The following SPATA13 variants were observed in gnomAD, a reference collection of about 807,000 sequenced individuals.
The protein encoded by SPATA13 is spermatogenesis associated 13.
A neutral mutation model predicts 104.0 loss-of-function variants in SPATA13; 50 were observed. That is an observed-to-expected ratio of 0.48 (90% CI 0.38 to 0.61). The LOEUF is 0.61. Among genes scored for constraint, SPATA13 ranks in the 20% least tolerant of loss-of-function variants. The pLI is 0.00. For synonymous variants in SPATA13, 606 were observed against 667.5 expected (o/e 0.91, Z 1.42); for missense variants, 1,524 against 1,690.6 (o/e 0.90, Z 1.73).
At chr13:24,260,124 C>T (rs1373245847) in intron 4 of SPATA13, among the ~76,000 whole-genome samples, 2 of 152,208 alleles carry the variant, frequency 1.3e-5, no homozygotes, top group African/African-American at 4.8e-5. Flanking sequence ...ACCACCACAA[C>T]TGCACTCACG....
At chr13:24,148,966 G>A (rs537332681) in intron 3 of SPATA13, among the ~76,000 whole-genome samples, 130 of 152,294 alleles carry the variant, frequency 8.5e-4, no homozygotes, top group Middle Eastern at 3.4e-3. Context: ...TGAGAGCAGG[G>A]CTCTGTGACT....
chr13:23,994,526 G>A (rs531833708), intron 2 of SPATA13, among the ~76,000 whole-genome samples: 1 of 152,238 alleles, frequency 6.6e-6, no homozygotes, highest in African/African-American at 2.4e-5. Context: ...GACTGCAGGT[G>A]CCTTTCAGGC....
intron 3 of SPATA13, among the ~76,000 whole-genome samples, chr13:24,032,255 T>G (rs1376856946): frequency 6.6e-6 from 1 of 152,122 alleles, no homozygotes; most frequent in Non-Finnish European, 1.5e-5. Flanking sequence ...TGGCTATAAA[T>G]TCCCACTTGC....
rs1873750759 is a variant in SPATA13, at chr13:24,255,615, C to T, written c.2164+3753C>T. ...GGTTTGCATTGCAGTGGAACCATCT[C>T]TCAGCAGCATCTCTGGCCTAGAGAG... On this transcript the variant is annotated intron_variant, in intron 4 of 12. Coordinates refer to ENST00000382108, the MANE Select transcript of SPATA13 (RefSeq NM_001166271.3). Among the ~76,000 whole-genome samples the T allele has an allele frequency of 2.0e-5, 3 of 152,226 alleles. No homozygotes were observed. In the South Asian group the frequency reaches 6.2e-4, roughly 31 times the overall value.
At chr13:24,268,915 A>G (rs1874418090) in intron 4 of SPATA13, among the ~76,000 whole-genome samples, 1 of 152,206 alleles carries the variant, frequency 6.6e-6, no homozygotes, top group Admixed American at 6.5e-5. Context: ...GGGATGCTCC[A>G]GATCAATAGA....
In SPATA13 at chr13:24,205,685, A is replaced by G. The variant is rs1870662978; in HGVS notation, c.-111-17134A>G. 6.6e-6 allele frequency among the ~76,000 whole-genome samples: 1 copy of G among 152,224 alleles called. No individual in the cohort carries two copies. Among genetic ancestry groups the G allele is most frequent in the African/African-American group, 2.4e-5 (1 of 41,470 alleles). ...ATCACTTTACCCAACTTCAAACTATACTACAGGGTGACAGTAACCAAAATC... is the reference window on the plus strand; with the variant it reads ...ATCACTTTACCCAACTTCAAACTATGCTACAGGGTGACAGTAACCAAAATC... On this transcript the variant is annotated intron_variant, in intron 1 of 12. Coordinates refer to ENST00000382108, the MANE Select transcript of SPATA13 (RefSeq NM_001166271.3). This position sits in a 1 kb window ranked among gnomAD's most constrained non-coding sequence, Gnocchi z 4.1.
intron 3 of SPATA13, among the ~76,000 whole-genome samples, chr13:24,080,060 A>G (rs915507881): frequency 3.4e-4 from 52 of 152,386 alleles, no homozygotes; most frequent in Admixed American, 2.4e-3. Flanking sequence ...AAAATATTCA[A>G]CATCACCCAG....
chr13:24,230,491 T>C (rs564560983), intron 2 of SPATA13, among the ~76,000 whole-genome samples: 14 of 152,108 alleles, frequency 9.2e-5, no homozygotes, highest in Non-Finnish European at 1.5e-4. Context: ...GCACTGGACT[T>C]CCAGGCTGGC....
chr13:24,019,518 TA>T (rs1876879880), intron 3 of SPATA13, among the ~76,000 whole-genome samples: 1 of 152,370 alleles, frequency 6.6e-6, no homozygotes, highest in East Asian at 1.9e-4. Flanking sequence ...ATCCATTACC[TA>T]GCCAAATATT....
chr13:24,102,894 C>G (rs1469337021), intron 3 of SPATA13, among the ~76,000 whole-genome samples: 2 of 152,134 alleles, frequency 1.3e-5, no homozygotes, highest in Admixed American at 1.3e-4. Flanking sequence ...GGAGACTTTT[C>G]CCTATGTTTT....
chr13:24,072,382 T>C (rs907206844), intron 3 of SPATA13, among the ~76,000 whole-genome samples: 1 of 152,228 alleles, frequency 6.6e-6, no homozygotes, highest in Non-Finnish European at 1.5e-5. Flanking sequence ...AGCATTTGTA[T>C]GAACTGGGAA....
intron 2 of SPATA13, among the ~76,000 whole-genome samples, chr13:24,225,857 G>A (rs952272536): frequency 6.6e-6 from 1 of 152,216 alleles, no homozygotes; most frequent in African/African-American, 2.4e-5. Flanking sequence ...GCAGCTGGGC[G>A]AGCCATCCGG....
At chr13:24,197,097 T>C (rs1032977506) in intron 1 of SPATA13, among the ~76,000 whole-genome samples, 1 of 152,348 alleles carries the variant, frequency 6.6e-6, no homozygotes, top group East Asian at 1.9e-4. Flanking sequence ...GGTATGATCT[T>C]ACTGTTCCAG....
intron 4 of SPATA13, among the ~76,000 whole-genome samples, chr13:24,273,986 G>A (rs369013916): frequency 5.3e-5 from 8 of 152,274 alleles, no homozygotes; most frequent in African/African-American, 1.9e-4. Flanking sequence ...CACTGCGCCC[G>A]GCCAATGGTT....
At position 24,305,421 on chromosome 13, in the gene SPATA13, T is replaced by A. The variant is rs941926706; in HGVS notation, c.*2648T>A. 2.0e-5 allele frequency: 3 copies of A among 152,248 alleles called. No homozygotes were observed. Among genetic ancestry groups the A allele is most frequent in the African/African-American group, 7.2e-5 (3 of 41,460 alleles). 9.4% of individuals were successfully genotyped at this position (152,248 alleles called of 1,614,324 possible). ...TGATTTTGAAAACTGCTAACATTTT[T>A]AAAAGGCTAGAACATCCTTTGACTT... is the stretch of plus-strand genomic sequence containing the variant. On this transcript the variant is annotated 3_prime_UTR_variant, in exon 13 of 13. Coordinates refer to ENST00000382108, the MANE Select transcript of SPATA13 (RefSeq NM_001166271.3).
intron 11 of SPATA13, 130 bp from the exon 12 acceptor site, chr13:24,300,271 T>G (rs1877090985): frequency 3.0e-6 from 2 of 663,392 alleles, no homozygotes; most frequent in South Asian, 4.2e-5. Flanking sequence ...GTCCACGTTC[T>G]TTGAGGATTA....
intron 3 of SPATA13, among the ~76,000 whole-genome samples, chr13:24,032,375 A>G (rs1355573351): frequency 6.6e-6 from 1 of 152,214 alleles, no homozygotes; most frequent in Admixed American, 6.5e-5. Context: ...TCTCACTGTG[A>G]TGTAACAAGT....
chr13:24,300,447 T>A lies in SPATA13; in HGVS notation c.3630T>A (p.Ala1210=), dbSNP rs1330006123. The change falls in exon 12 of 13, where the codon GCT becomes GCA. Residue 1210 remains alanine (A), a synonymous_variant. Coordinates refer to ENST00000382108, the MANE Select transcript of SPATA13 (RefSeq NM_001166271.3). ...ENQKKLAMLN[A]QKAGHGKSKG... is the part of the protein sequence containing the mutation. ...AGAAGAAACTTGCCATGTTAAATGC[T>A]CAAAAGGCAGGACATGGAAAGTCAA... is the stretch of plus-strand genomic sequence containing the variant. The A allele has an allele frequency of 6.2e-7, 1 of 1,614,022 alleles. No homozygotes were observed. The highest frequency in any genetic ancestry group is 8.5e-7 in the Non-Finnish European group (1 of 1,180,016).
At chr13:24,147,058 C>T (rs563327419) in intron 3 of SPATA13, among the ~76,000 whole-genome samples, 3 of 152,042 alleles carry the variant, frequency 2.0e-5, no homozygotes, top group African/African-American at 2.4e-5. Context: ...TATTATTTTC[C>T]GCTGCCCATA....
Sources: allele counts gnomAD v4.1 joint callset (sites outside exome capture counted in the v4.1 genomes callset), GRCh38; gene constraint gnomAD v4.1.1; non-coding constraint Gnocchi (gnomAD v3.1); transcripts MANE v1.5; gene names NCBI Gene and HGNC (gene_info 2026-07-23, HGNC 2026-07-21).